Variants in BNC2 observed in about 807,000 individuals in gnomAD.
BNC2 encodes basonuclin zinc finger protein 2.
In BNC2, 20 loss-of-function variants were observed where a neutral mutation model predicts 76.3. The observed-to-expected ratio is 0.26, with a 90% CI of 0.18 to 0.38. BNC2 has a LOEUF of 0.38. Ranked by LOEUF, BNC2 falls within the 10% of genes least tolerant of loss-of-function variation. The pLI is 1.00. For missense variants in BNC2, 1,382 were observed against 1,399.8 expected, an observed-to-expected ratio of 0.99 and a Z score of 0.20; for synonymous variants, 582 against 514.8, an observed-to-expected ratio of 1.13 and a Z score of -1.77.
intron 5 of BNC2, among the ~76,000 whole-genome samples, chr9:16,457,697 T>A (rs1821485089): frequency 6.6e-6 from 1 of 152,110 alleles, no homozygotes; most frequent in Non-Finnish European, 1.5e-5. Flanking sequence ...AAGCGCGTGT[T>A]CGGCATAAAG....
intron 5 of BNC2, among the ~76,000 whole-genome samples, chr9:16,464,539 T>G (rs1017852869): frequency 1.2e-4 from 18 of 152,136 alleles, no homozygotes; most frequent in African/African-American, 4.3e-4. Context: ...GGGCATCTCT[T>G]TGCAGACTGA....
intron 3 of BNC2, among the ~76,000 whole-genome samples, chr9:16,632,015 T>A (rs895828774): frequency 6.6e-6 from 1 of 152,088 alleles, no homozygotes; most frequent in African/African-American, 2.4e-5. Context: ...AGGCAAGAAA[T>A]GACAAGAATG....
chr9:16,431,012 T>A (rs970135546), intron 6 of BNC2, among the ~76,000 whole-genome samples: 1 of 152,204 alleles, frequency 6.6e-6, no homozygotes, highest in Non-Finnish European at 1.5e-5. Flanking sequence ...ACCTTTCAGA[T>A]GAAATTTAAG....
At chr9:16,467,367 A>G (rs147343520) in intron 5 of BNC2, among the ~76,000 whole-genome samples, 2,646 of 149,692 alleles carry the variant, frequency 0.018, 66 homozygotes, top group African/African-American at 0.063. Context: ...ATGCTGCTAT[A>G]GAGACACAGG....
intron 1 of BNC2, among the ~76,000 whole-genome samples, chr9:16,825,364 A>G (rs1471518106): frequency 6.6e-6 from 1 of 152,046 alleles, no homozygotes; most frequent in Admixed American, 6.6e-5. Flanking sequence ...TTTTGTCTCA[A>G]TATCTCATTC....
intron 1 of BNC2, among the ~76,000 whole-genome samples, chr9:16,861,357 C>T (rs1819406954): frequency 6.6e-6 from 1 of 151,658 alleles, no homozygotes; most frequent in Admixed American, 6.6e-5. Flanking sequence ...GACCCTGTCT[C>T]TTTAAAAATA....
chr9:16,817,203 C>T (rs961030267), intron 1 of BNC2, among the ~76,000 whole-genome samples: 4 of 152,182 alleles, frequency 2.6e-5, no homozygotes, highest in Admixed American at 6.5e-5. Flanking sequence ...CATACACACA[C>T]AAGAGACTGG....
intron 3 of BNC2, among the ~76,000 whole-genome samples, chr9:16,690,207 A>G (rs1407430153): frequency 1.3e-5 from 2 of 152,130 alleles, no homozygotes; most frequent in African/African-American, 4.8e-5. Flanking sequence ...ATCAAAACAG[A>G]GTCAAATTGG....
intron 4 of BNC2, among the ~76,000 whole-genome samples, chr9:16,566,548 G>A (rs1463979046): frequency 1.3e-5 from 2 of 152,090 alleles, no homozygotes; most frequent in African/African-American, 2.4e-5. Flanking sequence ...TATTACTTGG[G>A]AGATTACAAT....
chr9:16,817,014 G>A (rs1222978020), intron 1 of BNC2, among the ~76,000 whole-genome samples: 1 of 152,170 alleles, frequency 6.6e-6, no homozygotes, highest in Non-Finnish European at 1.5e-5. Context: ...AAGTGGAGAG[G>A]GTGAAGAGGC....
intron 5 of BNC2, among the ~76,000 whole-genome samples, chr9:16,480,404 G>A (rs1054817585): frequency 3.3e-5 from 5 of 152,206 alleles, no homozygotes; most frequent in African/African-American, 7.2e-5. Flanking sequence ...CTCCCACTTT[G>A]GCGGCACTTG....
chr9:16,842,837 T>A (rs372008524), intron 1 of BNC2, among the ~76,000 whole-genome samples: 3 of 152,172 alleles, frequency 2.0e-5, no homozygotes, highest in African/African-American at 7.2e-5. Flanking sequence ...CTGCAATCTC[T>A]GTCTCTTGGG....
chr9:16,863,556 G>A (rs1032135848), intron 1 of BNC2, among the ~76,000 whole-genome samples: 4 of 152,194 alleles, frequency 2.6e-5, no homozygotes, highest in South Asian at 2.1e-4. Flanking sequence ...TTAGCCAAGC[G>A]CAGTGGCGCA....
chr9:16,633,028 G>A (rs1821211815), intron 3 of BNC2, among the ~76,000 whole-genome samples: 1 of 152,146 alleles, frequency 6.6e-6, no homozygotes, highest in South Asian at 2.1e-4. Context: ...TATTTAGCAT[G>A]AAGAGGAGCC....
intron 1 of BNC2, among the ~76,000 whole-genome samples, chr9:16,767,117 G>GT (rs1392826742): frequency 3.3e-5 from 5 of 152,186 alleles, no homozygotes; most frequent in East Asian, 1.9e-4. Flanking sequence ...TAGGAAGATC[G>GT]TAAGAGTGAG....
intron 3 of BNC2, among the ~76,000 whole-genome samples, chr9:16,670,475 C>T (rs1181010125): frequency 1.3e-5 from 2 of 152,220 alleles, no homozygotes; most frequent in East Asian, 1.9e-4. Context: ...CCACTGTATC[C>T]AGCCAATTTA....
chr9:16,605,934 T>C (rs1191039518), intron 3 of BNC2, among the ~76,000 whole-genome samples: 1 of 152,002 alleles, frequency 6.6e-6, no homozygotes, highest in Admixed American at 6.6e-5. Flanking sequence ...GGACTACAGG[T>C]GCACACCACC....
At chr9:16,629,279 T>C (rs1332091271) in intron 3 of BNC2, among the ~76,000 whole-genome samples, 1 of 152,198 alleles carries the variant, frequency 6.6e-6, no homozygotes, top group Non-Finnish European at 1.5e-5. Flanking sequence ...TCTTTTTATT[T>C]ACACCATAGT....
chr9:16,582,566 C>T (rs1364112061), intron 4 of BNC2, among the ~76,000 whole-genome samples: 5 of 152,166 alleles, frequency 3.3e-5, no homozygotes, highest in African/African-American at 9.7e-5. Flanking sequence ...AGCTCAGCCC[C>T]GAGCACATAC....
Sources: allele counts gnomAD v4.1 joint callset (sites outside exome capture counted in the v4.1 genomes callset), GRCh38; gene constraint gnomAD v4.1.1; transcripts MANE v1.5; gene names NCBI Gene and HGNC (gene_info 2026-07-23, HGNC 2026-07-21).